TGM2: variants seen among roughly 807,000 people sequenced by gnomAD.
The protein encoded by TGM2 is protein-glutamine gamma-glutamyltransferase 2.
TGM2 carries 53 observed loss-of-function variants against 75.6 expected under a neutral mutation model. The observed-to-expected ratio is 0.70, with a 90% CI of 0.56 to 0.88. The LOEUF is 0.88. TGM2 is among the 40% of genes least tolerant of loss of function. The pLI, the probability that TGM2 is intolerant of heterozygous loss-of-function variation, is 0.00. For missense variants in TGM2, 842 were observed against 928.5 expected, an observed-to-expected ratio of 0.91 and a Z score of 1.21; for synonymous variants, 374 against 381.1, an observed-to-expected ratio of 0.98 and a Z score of 0.22.
In TGM2 at chr20:38,139,674, G is replaced by T. The variant is rs1164986179; in HGVS notation, c.1100-20C>A. On this transcript the variant is annotated intron_variant, in intron 8 of 12. Transcript: ENST00000361475. ...ACGTCCCTGGCAGAGGTAGAAAGGG[G>T]AAGGGATGGGCCTGGGTGAAGGTTG... is the stretch of plus-strand genomic sequence containing the variant. The T allele has an allele frequency of 6.8e-6, 11 of 1,613,840 alleles. No homozygotes were observed. The highest frequency in any genetic ancestry group is 4.0e-5 in the African/African-American group (3 of 74,922).
intron 1 of TGM2, among the ~76,000 whole-genome samples, chr20:38,162,360 A>G (rs1384774891): frequency 6.6e-6 from 1 of 152,230 alleles, no homozygotes; most frequent in Non-Finnish European, 1.5e-5. Flanking sequence ...CAGGTCAATT[A>G]CATGGCCTTT....
chr20:38,133,962 T>G (rs572761838), intron 10 of TGM2, among the ~76,000 whole-genome samples: 8 of 152,064 alleles, frequency 5.3e-5, no homozygotes, highest in Admixed American at 2.0e-4. Context: ...AACAAAGTCA[T>G]GCATATTCAA....
chr20:38,137,008 G>T (rs2074908312), intron 10 of TGM2, among the ~76,000 whole-genome samples: 1 of 152,150 alleles, frequency 6.6e-6, no homozygotes, highest in African/African-American at 2.4e-5. Context: ...CACTGCGAAG[G>T]GGATCTGCCT....
chr20:38,161,862 T>C (rs1176229757), intron 1 of TGM2, among the ~76,000 whole-genome samples: 1 of 152,144 alleles, frequency 6.6e-6, no homozygotes, highest in Non-Finnish European at 1.5e-5. Context: ...GGTGTGATCA[T>C]AGCTCACTGT....
intron 10 of TGM2, chr20:38,137,818 C>A (rs189389732): frequency 6.2e-4 from 303 of 484,830 alleles, no homozygotes; most frequent in African/African-American, 5.4e-3. Context: ...AACAGTATAG[C>A]TGCTGTGAGG....
Position 38,132,400 on chromosome 20 carries a change from G to C in TGM2, c.1716C>G (p.Ile572Met). 1 of 1,614,184 alleles carries C rather than the reference G, an allele frequency of 6.2e-7. No individual in the cohort carries two copies. The highest frequency in any genetic ancestry group is 1.3e-5 in the African/African-American group (1 of 75,038). The change falls in exon 11 of 13, where the codon ATC becomes ATG. Residue 572 changes from isoleucine (I) to methionine (M), a missense_variant. Physicochemically the swap from Ile to Met is conservative, Grantham distance 10. Coordinates refer to ENST00000361475, the MANE Select transcript of TGM2 (RefSeq NM_004613.4). Reference sequence around the variant, plus strand: ...CCCTCTCAGCCAGCAGGTAGCTGTTGATAACTGGCTCCACGAGGAGGGCCC... The same window carrying C: ...CCCTCTCAGCCAGCAGGTAGCTGTTCATAACTGGCTCCACGAGGAGGGCCC... Reference protein sequence around the residue: ...KVRALLVEPVINSYLLAERDL... With the variant: ...KVRALLVEPVMNSYLLAERDL...
chr20:38,151,402 T>C (rs1192433575), intron 3 of TGM2, among the ~76,000 whole-genome samples: 3 of 152,144 alleles, frequency 2.0e-5, no homozygotes, highest in Non-Finnish European at 4.4e-5. Flanking sequence ...GGCTCAGGAA[T>C]ATTTTATAGC....
chr20:38,140,413 T>C (rs1421060205), intron 8 of TGM2, among the ~76,000 whole-genome samples: 1 of 152,226 alleles, frequency 6.6e-6, no homozygotes, highest in Non-Finnish European at 1.5e-5. Context: ...GCTGGAGGTC[T>C]TAAACCAGGG....
At chr20:38,165,698 A>G (rs900994595), upstream of TGM2, among the ~76,000 whole-genome samples, 9 of 151,418 alleles carry the variant, frequency 5.9e-5, no homozygotes, top group African/African-American at 1.7e-4. Context: ...ACACACACAC[A>G]CACGCACACA....
intron 10 of TGM2, chr20:38,133,373 CCAGA>C: frequency 6.1e-6 from 1 of 162,628 alleles, no homozygotes; most frequent in Non-Finnish European, 1.4e-5. Context: ...CTCTCTGTTC[CCAGA>C]TCTTATCACC....
intron 3 of TGM2, among the ~76,000 whole-genome samples, chr20:38,154,844 G>A (rs1041291482): frequency 6.6e-6 from 1 of 151,220 alleles, no homozygotes; most frequent in Non-Finnish European, 1.5e-5. Flanking sequence ...GGTGGCTCAC[G>A]CCTGTAATCC....
rs951182537 is a variant in TGM2, at chr20:38,163,165, G to A, written c.11-1566C>T. Among the ~76,000 whole-genome samples, 4 of 152,266 alleles carry A rather than the reference G, an allele frequency of 2.6e-5. No homozygotes were observed. In the East Asian group the frequency reaches 7.7e-4, roughly 29 times the overall value. On this transcript the variant is annotated intron_variant, in intron 1 of 12. Coordinates refer to ENST00000361475, the MANE Select transcript of TGM2 (RefSeq NM_004613.4). The stretch of plus-strand genomic sequence containing the variant: ...ACGGTCAGGGTGACAGATGGGTGGG[G>A]GTCTTGGGGGAAAACAAATCTCATA...
In TGM2 at chr20:38,149,636, A is replaced by G. The variant is rs1049702815; in HGVS notation, c.552+1303T>C. 3.5e-5 allele frequency among the ~76,000 whole-genome samples: 5 copies of G among 142,502 alleles called. 1 individual carries two copies. The highest frequency in any genetic ancestry group is 1.3e-4 in the African/African-American group (5 of 37,478). 93.5% of individuals were successfully genotyped at this position (142,502 alleles called of 152,430 possible). A position where few individuals can be genotyped will look rare whatever the true frequency, so the allele number is the denominator to read the frequency against. Reference sequence around the variant, plus strand: ...AGATCTTGTAGTGAGCCGAGATTGCACCACTGCACTCCAGCCTGGGCAACA... The same window carrying G: ...AGATCTTGTAGTGAGCCGAGATTGCGCCACTGCACTCCAGCCTGGGCAACA... On this transcript the variant is annotated intron_variant, in intron 4 of 12. Coordinates refer to ENST00000361475, the MANE Select transcript of TGM2 (RefSeq NM_004613.4).
At chr20:38,132,533 T>C (rs775695530) in intron 10 of TGM2, 33 bp from the exon 11 acceptor site, 1 of 1,613,522 alleles carries the variant, frequency 6.2e-7, no homozygotes, top group South Asian at 1.1e-5. Flanking sequence ...GTGCTCATGA[T>C]GCAGAATCAC....
intron 10 of TGM2, among the ~76,000 whole-genome samples, chr20:38,135,312 C>A (rs987757619): frequency 6.6e-6 from 1 of 152,100 alleles, no homozygotes; most frequent in Admixed American, 6.5e-5. Context: ...TGCACTGAAA[C>A]GATGGGACTG....
At chr20:38,154,763 C>A (rs1952432437) in intron 3 of TGM2, among the ~76,000 whole-genome samples, 1 of 151,486 alleles carries the variant, frequency 6.6e-6, no homozygotes, top group Non-Finnish European at 1.5e-5. Flanking sequence ...CCCAACCTCA[C>A]CTCCGGGTTT....
chr20:38,164,440 A>G (rs8118753), intron 1 of TGM2, among the ~76,000 whole-genome samples: 4,919 of 151,918 alleles, frequency 0.032, 220 homozygotes, highest in African/African-American at 0.098. Flanking sequence ...GTGTGTGGGG[A>G]GGGAGTCAGG....
intron 2 of TGM2, among the ~76,000 whole-genome samples, chr20:38,160,445 T>G (rs958254536): frequency 1.3e-5 from 2 of 152,132 alleles, no homozygotes; most frequent in African/African-American, 4.8e-5. Flanking sequence ...AGTACAAAGA[T>G]AAGTAACAGC....
At chr20:38,140,283 A>G (rs2074955446) in intron 8 of TGM2, among the ~76,000 whole-genome samples, 1 of 152,266 alleles carries the variant, frequency 6.6e-6, no homozygotes, top group Non-Finnish European at 1.5e-5. Context: ...AGTCTAGCAC[A>G]TCCATGTGAT....
Sources: gnomAD v4.1 joint callset for allele counts (sites outside exome capture counted in the v4.1 genomes callset) on GRCh38, gnomAD v4.1.1 for gene constraint, MANE v1.5 for transcripts, NCBI Gene and HGNC (gene_info 2026-07-23, HGNC 2026-07-21) for gene names.